Variants in MYCBP2 observed in about 807,000 individuals in gnomAD.
The protein encoded by MYCBP2 is E3 ubiquitin-protein ligase MYCBP2.
Under a neutral mutation model 525.3 loss-of-function variants are expected in MYCBP2, and 120 were observed. The ratio of observed to expected loss-of-function variants is 0.23; its 90% CI spans 0.20 to 0.27. The LOEUF is 0.27. Ranked by LOEUF, MYCBP2 falls within the 10% of genes least tolerant of loss-of-function variation. The probability of loss-of-function intolerance (pLI) is 1.00; values close to 1 mark genes in which losing one functional copy is unlikely to be tolerated. For synonymous variants in MYCBP2, 1,894 were observed against 1,955.8 expected (o/e 0.97, Z 0.83); for missense variants, 4,149 against 5,657.1 (o/e 0.73, Z 8.55).
intron 1 of MYCBP2, among the ~76,000 whole-genome samples, chr13:77,321,825 T>C (rs530108504): frequency 1.6e-3 from 237 of 152,336 alleles, no homozygotes; most frequent in African/African-American, 5.4e-3. Context: ...AGAATTTGTG[T>C]CTTATAAATT....
intron 78 of MYCBP2, among the ~76,000 whole-genome samples, chr13:77,057,671 T>A (rs2154067127): frequency 6.6e-6 from 1 of 152,278 alleles, no homozygotes; most frequent in East Asian, 1.9e-4. Context: ...TTTTATACAT[T>A]CTGTTGATTA....
intron 68 of MYCBP2, among the ~76,000 whole-genome samples, chr13:77,072,304 A>G (rs545259179): frequency 3.2e-4 from 18 of 56,660 alleles, no homozygotes; most frequent in South Asian, 1.6e-3. Context: ...AAAAAAGAAA[A>G]AAAAAAAAAA....
chr13:77,206,752 C>T lies in MYCBP2; in HGVS notation c.3490G>A (p.Asp1164Asn), dbSNP rs779401624. ...AGGATACTACATCTGGACTGCATGT[C>T]TGCTGCAGAGGGAAGCCTGGCATCA... is the stretch of plus-strand genomic sequence containing the variant. The part of the protein sequence containing the change: ...VADARLPSAA[D>N]MQSRCSILSP... The change falls in exon 24 of 83, where the codon GAC becomes AAC. Residue 1164 changes from aspartate (D) to asparagine (N), a missense_variant. Coordinates refer to ENST00000544440, the MANE Select transcript of MYCBP2 (RefSeq NM_015057.5). 1.9e-5 allele frequency: 31 copies of T among 1,612,338 alleles called. No individual in the cohort carries two copies. Among genetic ancestry groups the T allele is most frequent in the Non-Finnish European group, 1.6e-5 (19 of 1,179,016 alleles).
chr13:77,051,723 T>C (rs1212162748), intron 81 of MYCBP2, 88 bp downstream of exon 81: 10 of 944,758 alleles, frequency 1.1e-5, no homozygotes, highest in Non-Finnish European at 1.4e-5. Context: ...GAGAAAAGCC[T>C]GATTTACATT....
chr13:77,250,067 C>G (rs1036404814), intron 15 of MYCBP2, among the ~76,000 whole-genome samples: 1 of 151,644 alleles, frequency 6.6e-6, no homozygotes, highest in East Asian at 1.9e-4. Context: ...ACTAAAAATA[C>G]AAAAAATTAG....
chr13:77,271,527 T>A (rs1375117280), intron 5 of MYCBP2, among the ~76,000 whole-genome samples: 1 of 152,204 alleles, frequency 6.6e-6, no homozygotes, highest in African/African-American at 2.4e-5. Context: ...TCATCTTGAA[T>A]TCCCACGTGT....
intron 55 of MYCBP2, among the ~76,000 whole-genome samples, chr13:77,112,929 GATCAA>G (rs1369212104): frequency 6.6e-6 from 1 of 151,920 alleles, no homozygotes; most frequent in African/African-American, 2.4e-5. Context: ...CTTCTCTTTA[GATCAA>G]ATCTTGACAC....
At position 77,326,240 on chromosome 13, in the gene MYCBP2, G is replaced by GACACACACACACACACACACAC. The variant is rs398023536; in HGVS notation, c.302+212_302+233dup. On this transcript the variant is annotated intron_variant, in intron 1 of 82. Coordinates refer to ENST00000544440, the MANE Select transcript of MYCBP2 (RefSeq NM_015057.5). The surrounding 1 kb of genome is among the most constrained non-coding windows in gnomAD (Gnocchi z 4.2). ...CACTATCCCCCCACATAGGCAGGCA[G>GACACACACACACACACACACAC]ACACACACACACACACACACACACA... Among the ~76,000 whole-genome samples, 3 of 127,772 alleles carry GACACACACACACACACACACAC rather than the reference G, an allele frequency of 2.3e-5. No homozygotes were observed. Among genetic ancestry groups the GACACACACACACACACACACAC allele is most frequent in the African/African-American group, 6.0e-5 (2 of 33,588 alleles). 83.8% of individuals were successfully genotyped at this position (127,772 alleles called of 152,430 possible).
chr13:77,268,183 T>C (rs2074365313), intron 7 of MYCBP2, among the ~76,000 whole-genome samples: 1 of 152,150 alleles, frequency 6.6e-6, no homozygotes, highest in Non-Finnish European at 1.5e-5. Flanking sequence ...GACAGTACAG[T>C]TACAAACATT....
At chr13:77,088,800 A>G (rs1381834578) in intron 61 of MYCBP2, 32 bp downstream of exon 61, 5 of 1,550,784 alleles carry the variant, frequency 3.2e-6, no homozygotes, top group Non-Finnish European at 4.4e-6. Flanking sequence ...TGTATAATCA[A>G]TGAATCAGTA....
chr13:77,191,032 T>G (rs1410584154), intron 28 of MYCBP2, among the ~76,000 whole-genome samples: 1 of 152,160 alleles, frequency 6.6e-6, no homozygotes, highest in Non-Finnish European at 1.5e-5. Context: ...TATTGAAATG[T>G]TGGATTTAGA....
chr13:77,273,942 C>T (rs1240921749), intron 4 of MYCBP2, among the ~76,000 whole-genome samples: 2 of 152,166 alleles, frequency 1.3e-5, no homozygotes, highest in African/African-American at 4.8e-5. Flanking sequence ...GAGGCATTCA[C>T]ATATTCAAGA....
At chr13:77,155,983 T>G in intron 46 of MYCBP2, 75 bp downstream of exon 46, 1 of 1,420,636 alleles carries the variant, frequency 7.0e-7, no homozygotes, top group Admixed American at 1.9e-5. Context: ...CTCTCAGCAC[T>G]TGGCATTTCT....
intron 40 of MYCBP2, among the ~76,000 whole-genome samples, chr13:77,167,442 A>G (rs2058670394): frequency 1.3e-5 from 2 of 152,104 alleles, no homozygotes; most frequent in South Asian, 4.1e-4. Flanking sequence ...TAACAAATAC[A>G]TAGGATCCAG....
chr13:77,123,453 T>A (rs745421479), intron 54 of MYCBP2, among the ~76,000 whole-genome samples: 2 of 152,196 alleles, frequency 1.3e-5, no homozygotes, highest in South Asian at 2.1e-4. Context: ...ATTTCCCAGG[T>A]TAAAACTTGA....
At chr13:77,263,857 C>G in intron 9 of MYCBP2, 68 bp from the exon 10 acceptor site, 1 of 1,606,372 alleles carries the variant, frequency 6.2e-7, no homozygotes, top group African/African-American at 1.3e-5. Flanking sequence ...TACAGTCTAT[C>G]TAATAAAAGC....
chr13:77,139,972 TA>T (rs2054351863), intron 51 of MYCBP2, 74 bp downstream of exon 51: 2 of 906,132 alleles, frequency 2.2e-6, no homozygotes, highest in African/African-American at 1.7e-5. Flanking sequence ...AAAAACTCAG[TA>T]ACCTTATTAT....
chr13:77,087,766 C>G, intron 61 of MYCBP2, 133 bp from the exon 62 acceptor site: 1 of 793,604 alleles, frequency 1.3e-6, no homozygotes, highest in Non-Finnish European at 1.9e-6. Flanking sequence ...AAAAAAAATG[C>G]CTTATAGTTT....
chr13:77,316,817 ACAAGGAAGTAC>A (rs1337668082), intron 1 of MYCBP2, among the ~76,000 whole-genome samples: 1 of 145,260 alleles, frequency 6.9e-6, no homozygotes, highest in Non-Finnish European at 1.6e-5. Flanking sequence ...CAAACACTGG[ACAAGGAAGTAC>A]CAAGAGACAC....
Sources: allele counts gnomAD v4.1 joint callset (sites outside exome capture counted in the v4.1 genomes callset), GRCh38; gene constraint gnomAD v4.1.1; non-coding constraint Gnocchi (gnomAD v3.1); transcripts MANE v1.5; gene names NCBI Gene and HGNC (gene_info 2026-07-23, HGNC 2026-07-21).